Variants in TASOR2 observed in about 807,000 individuals in gnomAD.
The protein encoded by TASOR2 is transcription activation suppressor family member 2, also known as protein TASOR 2.
A neutral mutation model predicts 199.5 loss-of-function variants in TASOR2; 84 were observed. The observed-to-expected ratio is 0.42, with a 90% CI of 0.35 to 0.50. The LOEUF (loss-of-function observed/expected upper bound fraction) is 0.50. Ranked by LOEUF, TASOR2 falls within the 20% of genes least tolerant of loss-of-function variation. TASOR2 has a pLI of 0.02. For synonymous variants in TASOR2, 1,103 were observed against 1,046.6 expected, an observed-to-expected ratio of 1.05 and a Z score of -1.04; for missense variants, 2,796 against 2,835.9, an observed-to-expected ratio of 0.99 and a Z score of 0.32.
At chr10:5,726,856 T>C (rs1246349381) in intron 8 of TASOR2, 29 bp from the exon 10 acceptor site, 2 of 1,586,222 alleles carry the variant, frequency 1.3e-6, no homozygotes, top group East Asian at 2.2e-5. Context: ...AGAATATTCC[T>C]TCAGTTGAAT....
Position 5,724,538 on chromosome 10 carries a change from GCAT to G in TASOR2, c.351+8_351+10del. On this transcript the variant is annotated splice_donor_region_variant and intron_variant, in intron 8 of 20. Transcript: ENST00000328090. ...TGTATTAAAAACAAGCAATTGGTAA[GCAT>G]CACTAATTTAAAATATAATTATTAT... is the stretch of plus-strand genomic sequence containing the variant. 1 of 1,289,504 alleles carries G rather than the reference GCAT, an allele frequency of 7.8e-7. No individual in the cohort carries two copies. Among genetic ancestry groups the G allele is most frequent in the Non-Finnish European group, 1.0e-6 (1 of 970,586 alleles). 79.9% of individuals were successfully genotyped at this position (1,289,504 alleles called of 1,614,324 possible). A position where few individuals can be genotyped will look rare whatever the true frequency, so the allele number is the denominator to read the frequency against.
Position 5,754,435 on chromosome 10 carries a change from G to A in TASOR2, c.6607-2178G>A, listed in dbSNP as rs1838547920. Among the ~76,000 whole-genome samples the A allele has an allele frequency of 6.6e-6, 1 of 151,894 alleles. No homozygotes were observed. Among genetic ancestry groups the A allele is most frequent in the South Asian group, 2.1e-4 (1 of 4,804 alleles). ...ATGAAGTTTTGCTCTTGTCGCCCAGGCTGGAGTGCAGTGGCGCGATCTCAG... is the reference window on the plus strand; with the variant it reads ...ATGAAGTTTTGCTCTTGTCGCCCAGACTGGAGTGCAGTGGCGCGATCTCAG... On this transcript the variant is annotated intron_variant, in intron 15 of 20. Coordinates refer to ENST00000328090, the Ensembl canonical transcript of TASOR2. The surrounding 1 kb of genome is among the most constrained non-coding windows in gnomAD (Gnocchi z 4.3).
exon 21 of TASOR2, chr10:5,763,274 CAA>C (rs1840162545): frequency 7.0e-6 from 3 of 431,522 alleles, no homozygotes; most frequent in Non-Finnish European, 1.2e-5. Context: ...TCATTTTAAA[CAA>C]GATGCCTTCT....
rs1835702023 is a variant in TASOR2 at position 5,685,438 on chromosome 10, G to A, written c.-288+263G>A. 6.6e-6 allele frequency among the ~76,000 whole-genome samples: 1 copy of A among 152,152 alleles called. No homozygotes were observed. Among genetic ancestry groups the A allele is most frequent in the African/African-American group, 2.4e-5 (1 of 41,448 alleles). On this transcript the variant is annotated intron_variant, in intron 1 of 20. Coordinates refer to ENST00000328090, the Ensembl canonical transcript of TASOR2. This position sits in a 1 kb window ranked among gnomAD's most constrained non-coding sequence, Gnocchi z 5.4. ...CCGTGTCATCTTGCCCCTTTCTGAG[G>A]CGTTTCGTTTGCGTCGCCTGTCAGG...
chr10:5,720,647 C>T lies in TASOR2; in HGVS notation c.5C>T (p.Ala2Val). Residue 2 changes from alanine (A) to valine (V), a missense_variant, in exon 4 of 21, where the codon GCA becomes GTA. Ala to Val is a moderately conservative substitution (Grantham distance 64, BLOSUM62 0). This residue lies in a region of TASOR2 where 847 missense variants were observed against 887.4 expected (regional missense o/e 0.95). Coordinates refer to ENST00000328090, the Ensembl canonical transcript of TASOR2. This position sits in a 1 kb window ranked among gnomAD's most constrained non-coding sequence, Gnocchi z 5.3. ...CGATACAGGGAATCTAAAACTATGG[C>T]ACCACCAGCTCATAAAAGCATGTAA... 1 of 1,614,062 alleles carries T rather than the reference C, an allele frequency of 6.2e-7. No homozygotes were observed. Among genetic ancestry groups the T allele is most frequent in the South Asian group, 1.1e-5 (1 of 91,080 alleles).
At chr10:5,745,380 G>A (rs1433451281) in intron 14 of TASOR2, among the ~76,000 whole-genome samples, 2 of 152,186 alleles carry the variant, frequency 1.3e-5, no homozygotes, top group East Asian at 3.9e-4. Context: ...CTGAGTACAG[G>A]GGGTAGTAAT....
At chr10:5,721,430 G>A (rs1039414430) in intron 6 of TASOR2, among the ~76,000 whole-genome samples, 1 of 152,120 alleles carries the variant, frequency 6.6e-6, no homozygotes, top group African/African-American at 2.4e-5. Flanking sequence ...AACATCTTAG[G>A]AAATCTTTTT....
Position 5,689,260 on chromosome 10 carries a change from CTT to C in TASOR2, c.-288+4088_-288+4089del, listed in dbSNP as rs1251710335. Among the ~76,000 whole-genome samples, 2 of 152,094 alleles carry C rather than the reference CTT, an allele frequency of 1.3e-5. No homozygotes were observed. The highest frequency in any genetic ancestry group is 2.9e-5 in the Non-Finnish European group (2 of 68,010). On this transcript the variant is annotated intron_variant, in intron 1 of 20. Transcript: ENST00000328090. The surrounding 1 kb of genome is among the most constrained non-coding windows in gnomAD (Gnocchi z 4.1). ...TTGTTCTGACTGTTTTTTGTGGGTTCTTTTGTTGTTTGTTTTGATCTTTAGCT... is the reference window on the plus strand; with the variant it reads ...TTGTTCTGACTGTTTTTTGTGGGTTCTTGTTGTTTGTTTTGATCTTTAGCT...
intron 1 of TASOR2, among the ~76,000 whole-genome samples, chr10:5,688,070 A>C (rs1258126853): frequency 1.3e-5 from 2 of 152,152 alleles, no homozygotes; most frequent in South Asian, 2.1e-4. Flanking sequence ...TTTTGTATTC[A>C]TTGTGTTGCC....
rs771554466 is a variant in TASOR2 at position 5,747,349 on chromosome 10, C to T, written c.3928C>T (p.Pro1310Ser). Residue 1310 changes from proline (P) to serine (S), a missense_variant, in exon 15 of 21, where the codon CCA (proline) becomes TCA (serine). Physicochemically the swap from Pro to Ser is moderately conservative, Grantham distance 74. Transcript: ENST00000328090. ...TGAAATAGAGCAATTTGAGGAGGCC[C>T]CATTCTCAAATTTAGAACTTCAGGA... 15 of 1,613,886 alleles carry T rather than the reference C, an allele frequency of 9.3e-6. No homozygotes were observed. The South Asian group carries it at 1.5e-4, about 17-fold the overall frequency.
At chr10:5,758,492 C>T (rs1251639016) in intron 17 of TASOR2, among the ~76,000 whole-genome samples, 2 of 152,110 alleles carry the variant, frequency 1.3e-5, no homozygotes, top group Non-Finnish European at 2.9e-5. Context: ...GAGCTGAGAT[C>T]ATGCCACCAC....
intron 1 of TASOR2, among the ~76,000 whole-genome samples, chr10:5,696,421 A>G (rs1005566525): frequency 6.6e-6 from 1 of 152,212 alleles, no homozygotes; most frequent in Admixed American, 6.5e-5. Context: ...CAGTAGCGCC[A>G]TCATAACTCA....
Position 5,689,605 on chromosome 10 carries a change from A to G in TASOR2, c.-288+4430A>G, listed in dbSNP as rs1836200784. Among the ~76,000 whole-genome samples the G allele has an allele frequency of 6.6e-6, 1 of 152,190 alleles. No individual in the cohort carries two copies. Among genetic ancestry groups the G allele is most frequent in the South Asian group, 2.1e-4 (1 of 4,832 alleles). Reference sequence around the variant, plus strand: ...ACAGAGCAAGACTCCATCTCAAAAAAACAAAAAAACAAGCATGTATGTATC... The same window carrying G: ...ACAGAGCAAGACTCCATCTCAAAAAGACAAAAAAACAAGCATGTATGTATC... On this transcript the variant is annotated intron_variant, in intron 1 of 20. Coordinates refer to ENST00000328090, the Ensembl canonical transcript of TASOR2. This position sits in a 1 kb window ranked among gnomAD's most constrained non-coding sequence, Gnocchi z 4.1.
At chr10:5,728,238 A>T (rs978780467) in intron 10 of TASOR2, among the ~76,000 whole-genome samples, 62 of 140,268 alleles carry the variant, frequency 4.4e-4, no homozygotes, top group Non-Finnish European at 3.6e-4. Flanking sequence ...AAAAAAAAAA[A>T]GTCACTTTGT....
At chr10:5,735,107 A>G (rs1256807524) in intron 11 of TASOR2, among the ~76,000 whole-genome samples, 197 bp from the exon 13 acceptor site, 1 of 151,926 alleles carries the variant, frequency 6.6e-6, no homozygotes, top group Non-Finnish European at 1.5e-5. Context: ...TAGCAAGTTC[A>G]TATTATATTT....
At chr10:5,725,730 G>A (rs939287600) in intron 8 of TASOR2, among the ~76,000 whole-genome samples, 15 of 152,196 alleles carry the variant, frequency 9.9e-5, no homozygotes, top group Non-Finnish European at 1.9e-4. Flanking sequence ...GCAGTGAGCT[G>A]TTACTGTGCC....
At chr10:5,746,388 G>A (rs1837213953) in exon 15 of TASOR2, 1 of 1,614,086 alleles carries the variant, frequency 6.2e-7, no homozygotes, top group Admixed American at 1.7e-5. Flanking sequence ...GTCAGCCAGT[G>A]ATATGTCAGA....
chr10:5,727,320 C>T (rs1316169576), intron 10 of TASOR2, among the ~76,000 whole-genome samples, 197 bp downstream of exon 11: 2 of 152,198 alleles, frequency 1.3e-5, no homozygotes, highest in East Asian at 1.9e-4. Context: ...CCCATATCTC[C>T]ACTTGTCTAC....
In TASOR2 at chr10:5,719,254, G is replaced by A. The variant is rs1210461452; in HGVS notation, c.-99-1290G>A. On this transcript the variant is annotated intron_variant, in intron 3 of 20. Transcript: ENST00000328090. The surrounding 1 kb of genome is among the most constrained non-coding windows in gnomAD (Gnocchi z 4.1). ...AAGTTAATAACATCTTGTGAACATT[G>A]TCTTATGTCATTGTATTATTCAAAA... 6.6e-6 allele frequency among the ~76,000 whole-genome samples: 1 copy of A among 152,140 alleles called. No homozygotes were observed. The highest frequency in any genetic ancestry group is 1.9e-4 in the East Asian group (1 of 5,198).
Sources: gnomAD v4.1 joint callset for allele counts (sites outside exome capture counted in the v4.1 genomes callset) on GRCh38, gnomAD v4.1.1 for gene constraint, gnomAD v4.1.1 regional missense constraint, Gnocchi (gnomAD v3.1) non-coding constraint, MANE v1.5 for transcripts, NCBI Gene and HGNC (gene_info 2026-07-23, HGNC 2026-07-21) for gene names.